The following C16orf96 variants were observed in gnomAD, a reference collection of about 807,000 sequenced individuals.
C16orf96 encodes uncharacterized protein C16orf96.
In C16orf96, 108 loss-of-function variants were observed where a neutral mutation model predicts 103.6. The ratio of observed to expected loss-of-function variants is 1.04; its 90% confidence interval spans 0.89 to 1.22. The LOEUF (loss-of-function observed/expected upper bound fraction) is 1.22, where lower values mean the gene tolerates loss of function less well. Among genes scored for constraint, C16orf96 ranks in the 50% most tolerant of loss-of-function variants. The probability of loss-of-function intolerance (pLI) is 0.00; values close to 1 mark genes in which losing one functional copy is unlikely to be tolerated. For missense variants in C16orf96, 1,586 were observed against 1,464.2 expected (o/e 1.08, Z -1.36); for synonymous variants, 566 against 593.5 (o/e 0.95, Z 0.67).
At chr16:4,584,170 A>G (rs1045616328) in intron 7 of C16orf96, among the ~76,000 whole-genome samples, 1 of 152,046 alleles carries the variant, frequency 6.6e-6, no homozygotes, top group Non-Finnish European at 1.5e-5. Flanking sequence ...GCTCTCCACC[A>G]TGTGACTTAC....
intron 7 of C16orf96, among the ~76,000 whole-genome samples, chr16:4,582,988 C>T (rs192391543): frequency 1.3e-5 from 2 of 152,174 alleles, no homozygotes; most frequent in Middle Eastern, 3.2e-3. Context: ...GTAATCCCAG[C>T]ACTTTGGGAG....
In C16orf96 at chr16:4,593,319, G is replaced by A; in HGVS notation, c.2867+3G>A. 6.5e-7 allele frequency: 1 copy of A among 1,550,258 alleles called. No individual in the cohort carries two copies. Among genetic ancestry groups the A allele is most frequent in the Non-Finnish European group, 8.7e-7 (1 of 1,146,694 alleles). ...TACTTGCAGCGGCAACAGATGAGGTGAGCAGGATGGGCGCCCCGCAGGGAG... is the reference window on the plus strand; with the variant it reads ...TACTTGCAGCGGCAACAGATGAGGTAAGCAGGATGGGCGCCCCGCAGGGAG... On this transcript the variant is annotated splice_donor_region_variant and intron_variant, in intron 12 of 15. Coordinates refer to ENST00000444310, the MANE Select transcript of C16orf96 (RefSeq NM_001145011.2). The surrounding 1 kb of genome is among the most constrained non-coding windows in gnomAD (Gnocchi z 4.2).
intron 8 of C16orf96, among the ~76,000 whole-genome samples, chr16:4,587,333 G>T (rs1896950613): frequency 6.6e-6 from 1 of 152,096 alleles, no homozygotes; most frequent in African/African-American, 2.4e-5. Flanking sequence ...AGACCAGCCT[G>T]CCTGGCCTAC....
chr16:4,575,426 T>C lies in C16orf96; in HGVS notation c.946T>C (p.Ser316Pro). The change falls in exon 5 of 16, where the codon TCT becomes CCT. Residue 316 changes from serine (S) to proline (P), a missense_variant. Transcript: ENST00000444310. ...GCAGCCTCCGGCCCTCACGCCTGAG[T>C]CTGCACCTGGGTGCACAACTGAATT... is the stretch of plus-strand genomic sequence containing the variant. ...PAQPPALTPE[S>P]APGCTTEFAP... 1 of 1,549,830 alleles carries C rather than the reference T, an allele frequency of 6.5e-7. No individual in the cohort carries two copies. The highest frequency in any genetic ancestry group is 8.7e-7 in the Non-Finnish European group (1 of 1,146,884).
chr16:4,594,541 G>A, intron 13 of C16orf96, 31 bp downstream of exon 13: 3 of 1,547,290 alleles, frequency 1.9e-6, no homozygotes, highest in Non-Finnish European at 2.6e-6. Context: ...CTTCTCAGAG[G>A]GTGGACGTCA....
At chr16:4,572,801 CTG>C (rs2059454467) in intron 2 of C16orf96, among the ~76,000 whole-genome samples, 1 of 152,180 alleles carries the variant, frequency 6.6e-6, no homozygotes, top group South Asian at 2.1e-4. Flanking sequence ...TTCTGTACTT[CTG>C]TAGCCAAAAA....
chr16:4,557,516 TG>T (rs1446437909), intron 1 of C16orf96, among the ~76,000 whole-genome samples: 2 of 152,026 alleles, frequency 1.3e-5, no homozygotes, highest in Non-Finnish European at 2.9e-5. Context: ...GAGGAGAGAA[TG>T]GGGAGTAATT....
Position 4,575,208 on chromosome 16 carries a change from C to A in C16orf96, c.728C>A (p.Ser243Tyr). The A allele has an allele frequency of 6.5e-7, 1 of 1,547,324 alleles. No homozygotes were observed. Among genetic ancestry groups the A allele is most frequent in the South Asian group, 1.2e-5 (1 of 84,060 alleles). Residue 243 changes from serine (S) to tyrosine (Y), a missense_variant, in exon 5 of 16, where the codon TCT (serine) becomes TAT (tyrosine). Ser to Tyr is a moderately radical substitution (Grantham distance 144, BLOSUM62 -2). Transcript: ENST00000444310. ...TCATCACCACTGGACCTGTGGCAGT[C>A]TGTAGAGCAGCTCCCAGAGGCTGCC... ...IGSSPLDLWQSVEQLPEAALA... is the reference protein window; with the variant it reads ...IGSSPLDLWQYVEQLPEAALA...
chr16:4,588,365 C>T (rs1254330111), intron 9 of C16orf96, 34 bp downstream of exon 9: 2 of 1,530,286 alleles, frequency 1.3e-6, no homozygotes, highest in Admixed American at 2.0e-5. Flanking sequence ...CACTTTATTC[C>T]TAACAAATTA....
intron 2 of C16orf96, among the ~76,000 whole-genome samples, chr16:4,573,042 T>A (rs959468662): frequency 7.2e-5 from 11 of 152,178 alleles, no homozygotes; most frequent in Non-Finnish European, 1.3e-4. Flanking sequence ...GTGGGAGCTT[T>A]AGGCATGGGC....
chr16:4,572,541 T>C (rs887705963), intron 2 of C16orf96, among the ~76,000 whole-genome samples: 1 of 151,908 alleles, frequency 6.6e-6, no homozygotes, highest in Non-Finnish European at 1.5e-5. Flanking sequence ...GACCTCTTGA[T>C]CCGCCCGCCT....
At chr16:4,568,541 C>G (rs1022106567) in intron 1 of C16orf96, among the ~76,000 whole-genome samples, 5 of 152,108 alleles carry the variant, frequency 3.3e-5, no homozygotes, top group African/African-American at 9.7e-5. Context: ...CATCCTTCCA[C>G]TGCAGCTACC....
the C16orf96 span, among the ~76,000 whole-genome samples, chr16:4,541,281 A>G: frequency 2.0e-5 from 3 of 152,316 alleles, no homozygotes; most frequent in South Asian, 2.1e-4. Flanking sequence ...GTCAATCTTC[A>G]TTATTTATGG....
At chr16:4,596,985 C>T (rs1218362201) in intron 14 of C16orf96, among the ~76,000 whole-genome samples, 1 of 152,300 alleles carries the variant, frequency 6.6e-6, no homozygotes, top group East Asian at 1.9e-4. Context: ...CCGACCTAAC[C>T]CAGGATGATC....
chr16:4,597,985 C>A (rs1334995735), intron 14 of C16orf96, among the ~76,000 whole-genome samples: 1 of 152,138 alleles, frequency 6.6e-6, no homozygotes, highest in Non-Finnish European at 1.5e-5. Context: ...CAATTGGAAA[C>A]CTGTCTGTGG....
intron 1 of C16orf96, among the ~76,000 whole-genome samples, chr16:4,562,411 C>T (rs2059342054): frequency 6.8e-6 from 1 of 146,756 alleles, no homozygotes; most frequent in African/African-American, 2.5e-5. Flanking sequence ...GTCGAGGCTG[C>T]AGTGAGCTAT....
Position 4,600,542 on chromosome 16 carries a change from G to GCGC in C16orf96, c.*226_*227insGCC. ...CCACGTCCGAGGCTGAGACCCATATGCCCCCCCCACCCCCACCAAGTCCCG... is the reference window on the plus strand; with the variant it reads ...CCACGTCCGAGGCTGAGACCCATATGCGCCCCCCCCCACCCCCACCAAGTCCCG... On this transcript the variant is annotated 3_prime_UTR_variant, in exon 16 of 16. Coordinates refer to ENST00000444310, the MANE Select transcript of C16orf96 (RefSeq NM_001145011.2). The GCGC allele has an allele frequency of 4.7e-6, 2 of 424,804 alleles. No homozygotes were observed. Among genetic ancestry groups the GCGC allele is most frequent in the African/African-American group, 2.4e-5 (1 of 41,050 alleles). The allele number at this position is 424,804 out of a possible 1,614,324, so 26.3% of individuals were successfully genotyped here. A position where few individuals can be genotyped will look rare whatever the true frequency, so the allele number is the denominator to read the frequency against.
At chr16:4,540,620 G>A in the C16orf96 span, among the ~76,000 whole-genome samples, 3 of 152,116 alleles carry the variant, frequency 2.0e-5, no homozygotes, top group Non-Finnish European at 4.4e-5. Flanking sequence ...CCAGCTATTC[G>A]GGAGGCTGAG....
chr16:4,592,459 C>A, intron 11 of C16orf96, 92 bp downstream of exon 11: 2 of 1,411,496 alleles, frequency 1.4e-6, no homozygotes, highest in Non-Finnish European at 1.9e-6. Context: ...CCGTTCCATG[C>A]ACGCTGTGTG....
Sources: gnomAD v4.1 joint callset for allele counts (sites outside exome capture counted in the v4.1 genomes callset) on GRCh38, gnomAD v4.1.1 for gene constraint, Gnocchi (gnomAD v3.1) non-coding constraint, MANE v1.5 for transcripts, NCBI Gene and HGNC (gene_info 2026-07-23, HGNC 2026-07-21) for gene names.